OSBPL10: variants seen among roughly 807,000 people sequenced by gnomAD.
The protein encoded by OSBPL10 is oxysterol-binding protein-related protein 10.
A neutral mutation model predicts 81.7 loss-of-function variants in OSBPL10; 49 were observed. The ratio of observed to expected loss-of-function variants is 0.60; its 90% CI spans 0.48 to 0.76. OSBPL10 has a LOEUF of 0.76. Among genes scored for constraint, OSBPL10 ranks in the 30% least tolerant of loss-of-function variants. The pLI is 0.00. For synonymous variants in OSBPL10, 419 were observed against 383.6 expected (o/e 1.09, Z -1.08); for missense variants, 923 against 987.8 (o/e 0.93, Z 0.88).
chr3:31,903,531 A>G (rs1298180254), intron 1 of OSBPL10, among the ~76,000 whole-genome samples: 2 of 152,018 alleles, frequency 1.3e-5, no homozygotes, highest in Admixed American at 1.3e-4. Context: ...GGGTTCCACT[A>G]TGTTACCCAG....
intron 4 of OSBPL10, among the ~76,000 whole-genome samples, chr3:31,799,167 T>C (rs1699313130): frequency 6.6e-6 from 1 of 151,974 alleles, no homozygotes; most frequent in African/African-American, 2.4e-5. Context: ...GTGATTCTTC[T>C]TGTGGGGTAT....
At chr3:31,754,322 G>C (rs951867782) in intron 4 of OSBPL10, among the ~76,000 whole-genome samples, 1 of 152,094 alleles carries the variant, frequency 6.6e-6, no homozygotes, top group African/African-American at 2.4e-5. Context: ...CCCCCAACTA[G>C]TGTACAGAAC....
At chr3:32,037,584 CA>C in intron 2 of OSBPL10, 1 of 241,414 alleles carries the variant, frequency 4.1e-6, no homozygotes, top group Non-Finnish European at 8.2e-6. Context: ...ACACTGCGAC[CA>C]AAGATGGAAG....
rs1553620066 is a variant in OSBPL10 at position 31,740,857 on chromosome 3, T to TTTTATATATATATATA, written c.940+7052_940+7053insTATATATATATATAAA. 2.9e-4 allele frequency among the ~76,000 whole-genome samples: 39 copies of TTTTATATATATATATA among 136,386 alleles called. 2 individuals carry two copies. The highest frequency in any genetic ancestry group is 1.3e-3 in the African/African-American group (38 of 29,740). 89.5% of individuals were successfully genotyped at this position (136,386 alleles called of 152,430 possible). On this transcript the variant is annotated intron_variant, in intron 5 of 11. Coordinates refer to ENST00000396556, the MANE Select transcript of OSBPL10 (RefSeq NM_017784.5). Reference sequence around the variant, plus strand: ...AACTTAATATGACCACTACTAGAATTTATATATATATGTCATATTTCTTCC... The same window carrying TTTTATATATATATATA: ...AACTTAATATGACCACTACTAGAATTTTTATATATATATATATATATATATATGTCATATTTCTTCC...
chr3:31,770,701 G>A (rs1034243800), intron 4 of OSBPL10, among the ~76,000 whole-genome samples: 15 of 152,084 alleles, frequency 9.9e-5, no homozygotes, highest in Non-Finnish European at 2.9e-5. Context: ...CAGGAGAATC[G>A]CTTGAACCCA....
intron 2 of OSBPL10, among the ~76,000 whole-genome samples, chr3:31,876,921 T>TTTG (rs1701488472): frequency 6.7e-6 from 1 of 149,870 alleles, no homozygotes; most frequent in Non-Finnish European, 1.5e-5. Flanking sequence ...TTTTTTTTTT[T>TTTG]GAGACGGAGT....
chr3:31,713,291 C>CA (rs112539367), intron 6 of OSBPL10, among the ~76,000 whole-genome samples: 33 of 152,340 alleles, frequency 2.2e-4, no homozygotes, highest in African/African-American at 7.9e-4. Flanking sequence ...GTTCTTGGAA[C>CA]ACGCAAAGGA....
intron 3 of OSBPL10, among the ~76,000 whole-genome samples, chr3:31,847,676 C>T (rs984887968): frequency 6.6e-6 from 1 of 151,124 alleles, no homozygotes; most frequent in African/African-American, 2.5e-5. Context: ...TTTGAGTCAA[C>T]AAGATTTTGT....
chr3:31,791,147 A>G (rs1007677564), intron 4 of OSBPL10, among the ~76,000 whole-genome samples: 5 of 152,230 alleles, frequency 3.3e-5, no homozygotes, highest in African/African-American at 1.2e-4. Flanking sequence ...TTTAAAATAG[A>G]AGTGTCATTT....
At chr3:31,995,374 T>G (rs894896405) in intron 2 of OSBPL10, among the ~76,000 whole-genome samples, 1 of 152,194 alleles carries the variant, frequency 6.6e-6, no homozygotes, top group Non-Finnish European at 1.5e-5. Flanking sequence ...GTCTTAATAT[T>G]CCTTGCTAGG....
chr3:31,778,240 A>G (rs932229420), intron 4 of OSBPL10, among the ~76,000 whole-genome samples: 1 of 152,140 alleles, frequency 6.6e-6, no homozygotes, highest in African/African-American at 2.4e-5. Context: ...GCCTATTGCT[A>G]CCAGCTTTCC....
chr3:31,749,500 C>T (rs1275839944), intron 4 of OSBPL10, among the ~76,000 whole-genome samples: 8 of 152,224 alleles, frequency 5.3e-5, no homozygotes, highest in Non-Finnish European at 1.5e-5. Flanking sequence ...AATAAGTACT[C>T]ATTTCTTCTC....
chr3:31,965,783 AATAG>A (rs1698361907), intron 1 of OSBPL10, among the ~76,000 whole-genome samples: 2 of 78,996 alleles, frequency 2.5e-5, no homozygotes, highest in Non-Finnish European at 4.2e-5. Flanking sequence ...ATATTATATA[AATAG>A]ATAAGATATA....
chr3:31,779,179 C>T (rs1207371682), intron 4 of OSBPL10, among the ~76,000 whole-genome samples: 6 of 152,076 alleles, frequency 3.9e-5, no homozygotes, highest in Admixed American at 2.6e-4. Context: ...GGTATTCAGA[C>T]AACAACTAGC....
chr3:31,994,702 T>G (rs1215402850), intron 2 of OSBPL10, among the ~76,000 whole-genome samples: 1 of 152,188 alleles, frequency 6.6e-6, no homozygotes, highest in Non-Finnish European at 1.5e-5. Context: ...AAATTGAAAG[T>G]GTACTGCAAA....
At chr3:31,814,538 A>G (rs13075708) in intron 4 of OSBPL10, among the ~76,000 whole-genome samples, 111,275 of 152,014 alleles carry the variant, frequency 0.73, 41,018 homozygotes, top group East Asian at 0.95. Flanking sequence ...AGAACGCCAC[A>G]GGACACAGGT....
intron 1 of OSBPL10, among the ~76,000 whole-genome samples, chr3:31,951,970 G>A (rs1313643528): frequency 6.6e-6 from 1 of 152,144 alleles, no homozygotes; most frequent in Non-Finnish European, 1.5e-5. Context: ...CCATTAGTGT[G>A]CAACTCTTAC....
At chr3:31,887,148 T>C (rs4282098) in intron 1 of OSBPL10, among the ~76,000 whole-genome samples, 30,090 of 152,002 alleles carry the variant, frequency 0.2, 3,215 homozygotes, top group Non-Finnish European at 0.24. Context: ...TCCAGCAATG[T>C]ACACACTGAT....
At chr3:31,906,442 G>C (rs1029537935) in intron 1 of OSBPL10, among the ~76,000 whole-genome samples, 6 of 152,098 alleles carry the variant, frequency 3.9e-5, no homozygotes. Context: ...AACAGATCCA[G>C]GGCAAAAGAT....
Sources: gnomAD v4.1 joint callset for allele counts (sites outside exome capture counted in the v4.1 genomes callset) on GRCh38, gnomAD v4.1.1 for gene constraint, MANE v1.5 for transcripts, NCBI Gene and HGNC (gene_info 2026-07-23, HGNC 2026-07-21) for gene names.